The following UPF3A variants were observed in gnomAD, a reference collection of about 807,000 sequenced individuals.
UPF3A encodes the protein UPF3A regulator of nonsense mediated mRNA decay.
Under a neutral mutation model 53.5 loss-of-function variants are expected in UPF3A, and 42 were observed. The observed-to-expected ratio is 0.78, with a 90% CI of 0.61 to 1.01. UPF3A has a LOEUF of 1.01. Ranked by LOEUF, UPF3A falls within the 50% of genes least tolerant of loss-of-function variation. The pLI is 0.00. For synonymous variants in UPF3A, 237 were observed against 225.3 expected (o/e 1.05, Z -0.47); for missense variants, 575 against 598.0 (o/e 0.96, Z 0.40).
chr13:114,286,737 A>G, intron 5 of UPF3A, 108 bp downstream of exon 5: 1 of 836,316 alleles, frequency 1.2e-6, no homozygotes, highest in East Asian at 2.7e-5. Context: ...AACTTGTTAC[A>G]GGCTTGACAG....
chr13:114,292,086 C>T (rs74116882), intron 7 of UPF3A, among the ~76,000 whole-genome samples: 3,386 of 150,180 alleles, frequency 0.023, 140 homozygotes, highest in African/African-American at 0.079. Context: ...CTGCTGCTGA[C>T]GCTCTTTTTT....
At chr13:114,303,997 C>T (rs1407023583) in intron 9 of UPF3A, among the ~76,000 whole-genome samples, 4 of 152,184 alleles carry the variant, frequency 2.6e-5, no homozygotes, top group East Asian at 3.9e-4. Flanking sequence ...GGAGAAGGAG[C>T]GCATGAGATG....
rs1430230574 is a variant in UPF3A at position 114,305,749 on chromosome 13, T to A, written c.*832T>A. The A allele has an allele frequency of 1.3e-5, 2 of 152,336 alleles. No individual in the cohort carries two copies. Among genetic ancestry groups the A allele is most frequent in the East Asian group, 3.9e-4 (2 of 5,188 alleles). The allele number at this position is 152,336 out of a possible 1,614,324, so 9.4% of individuals were successfully genotyped here. A position where few individuals can be genotyped will look rare whatever the true frequency, so the allele number is the denominator to read the frequency against. ...TTCCTTTCAGTGAAATTGCTAAATG[T>A]CAATGTATTTTTGGCACTGCGATTT... On this transcript the variant is annotated 3_prime_UTR_variant, in exon 10 of 10. Transcript: ENST00000375299.
At chr13:114,294,273 T>G (rs201129411) in intron 7 of UPF3A, among the ~76,000 whole-genome samples, 54 of 143,118 alleles carry the variant, frequency 3.8e-4, no homozygotes, top group East Asian at 2.2e-3. Context: ...TTGGTTTTGG[T>G]GGGGGGGGGG....
At chr13:114,295,575 C>T (rs1292177164) in intron 7 of UPF3A, among the ~76,000 whole-genome samples, 1 of 152,234 alleles carries the variant, frequency 6.6e-6, no homozygotes, top group Admixed American at 6.5e-5. Flanking sequence ...GCAGAGAGCC[C>T]TCCTGGGCCC....
intron 5 of UPF3A, chr13:114,287,723 A>C (rs2084860921): frequency 6.6e-6 from 1 of 152,224 alleles, no homozygotes; most frequent in African/African-American, 2.4e-5. Context: ...TCATGGTTGT[A>C]GAAAAGTTCA....
At chr13:114,287,774 A>G (rs907925620) in intron 5 of UPF3A, among the ~76,000 whole-genome samples, 2 of 152,154 alleles carry the variant, frequency 1.3e-5, no homozygotes, top group African/African-American at 4.8e-5. Flanking sequence ...AAAAAAGATT[A>G]ATATTACTGA....
Position 114,305,740 on chromosome 13 carries a change from T to C in UPF3A, c.*823T>C, listed in dbSNP as rs993361651. ...TGTAGTTTCTTCCTTTCAGTGAAAT[T>C]GCTAAATGTCAATGTATTTTTGGCA... On this transcript the variant is annotated 3_prime_UTR_variant, in exon 10 of 10. Transcript: ENST00000375299. The C allele has an allele frequency of 2.0e-5, 3 of 152,230 alleles. No individual in the cohort carries two copies. Among genetic ancestry groups the C allele is most frequent in the Non-Finnish European group, 4.4e-5 (3 of 68,042 alleles). 9.4% of individuals were successfully genotyped at this position (152,230 alleles called of 1,614,324 possible).
chr13:114,284,894 T>C (rs900293037), intron 3 of UPF3A, among the ~76,000 whole-genome samples: 5 of 152,094 alleles, frequency 3.3e-5, no homozygotes, highest in African/African-American at 1.2e-4. Flanking sequence ...CTCAAGCGAT[T>C]CCCCCCACAT....
intron 7 of UPF3A, 55 bp from the exon 8 acceptor site, chr13:114,298,785 C>T: frequency 7.3e-7 from 1 of 1,372,662 alleles, no homozygotes; most frequent in Non-Finnish European, 9.5e-7. Context: ...TATTTAACAG[C>T]TTCTTTTAAA....
intron 7 of UPF3A, among the ~76,000 whole-genome samples, chr13:114,295,426 CGGCTCTGGCCTGCT>C (rs2085849068): frequency 1.3e-5 from 2 of 151,984 alleles, no homozygotes; most frequent in Non-Finnish European, 1.5e-5. Flanking sequence ...TCGTCTCCAG[CGGCTCTGGCCTGCT>C]GGTTTCTCAT....
rs747153365 is a variant in UPF3A at position 114,304,773 on chromosome 13, C to T, written c.1303-16C>T. 5.0e-6 allele frequency: 8 copies of T among 1,612,326 alleles called. No homozygotes were observed. Among genetic ancestry groups the T allele is most frequent in the African/African-American group, 1.3e-5 (1 of 74,856 alleles). ...GCTACCTCTTGGAAGAGTAACATGC[C>T]CTCTTATCCTGGCAGGACCGGCCAG... On this transcript the variant is annotated splice_polypyrimidine_tract_variant and intron_variant, in intron 9 of 9. Transcript: ENST00000375299.
Position 114,304,741 on chromosome 13 carries a change from C to T in UPF3A, c.1303-48C>T, listed in dbSNP as rs750678342. The T allele has an allele frequency of 2.5e-6, 4 of 1,601,434 alleles. No individual in the cohort carries two copies. The East Asian group carries it at 6.7e-5, about 27-fold the overall frequency. On this transcript the variant is annotated intron_variant, in intron 9 of 9. Transcript: ENST00000375299. ...GAAATATAGGGAGATATTGACCCTT[C>T]TGTGTTGCTACCTCTTGGAAGAGTA... is the stretch of plus-strand genomic sequence containing the variant.
chr13:114,289,236 T>A (rs984492238), intron 5 of UPF3A, among the ~76,000 whole-genome samples: 1 of 152,102 alleles, frequency 6.6e-6, no homozygotes, highest in African/African-American at 2.4e-5. Flanking sequence ...TATGAAAAAT[T>A]GAAACTTGGC....
intron 7 of UPF3A, among the ~76,000 whole-genome samples, chr13:114,296,397 A>T (rs918660984): frequency 6.6e-6 from 1 of 152,120 alleles, no homozygotes; most frequent in Non-Finnish European, 1.5e-5. Context: ...AAATAAAAAA[A>T]ATAGACGGGC....
chr13:114,301,458 A>G (rs1033698656), intron 8 of UPF3A, among the ~76,000 whole-genome samples: 3 of 149,792 alleles, frequency 2.0e-5, no homozygotes, highest in African/African-American at 7.3e-5. Context: ...GCGAGACTCC[A>G]TCTCAGAAAA....
At chr13:114,301,093 G>C (rs1416349468) in intron 8 of UPF3A, among the ~76,000 whole-genome samples, 3 of 151,808 alleles carry the variant, frequency 2.0e-5, no homozygotes, top group Admixed American at 6.6e-5. Context: ...ATTTACAGGC[G>C]TGAGACACCA....
rs778887885 is a variant in UPF3A at position 114,281,791 on chromosome 13, G to C, written c.152G>C (p.Gly51Ala). Residue 51 changes from glycine (G) to alanine (A), a missense_variant, in exon 1 of 10, where the codon GGT becomes GCT. By Grantham distance (60) the Gly-to-Ala change is moderately conservative. Around this residue, in one of 2 missense-constraint regions of UPF3A, gnomAD observed 252 missense variants for 182.7 expected, o/e 1.38. Transcript: ENST00000375299. ...EAETPPTSSS[G>A]CGGGAGKPRE... ...GAGACGCCGCCAACTTCGTCCTCCG[G>C]TTGCGGGGGCGGTGCGGGCAAACCT... 1.3e-6 allele frequency: 2 copies of C among 1,556,806 alleles called. No individual in the cohort carries two copies. Among genetic ancestry groups the C allele is most frequent in the Non-Finnish European group, 1.7e-6 (2 of 1,151,384 alleles).
intron 7 of UPF3A, among the ~76,000 whole-genome samples, chr13:114,292,478 GC>G (rs2085398007): frequency 7.0e-6 from 1 of 143,572 alleles, no homozygotes; most frequent in African/African-American, 2.6e-5. Flanking sequence ...TTCATTTTCG[GC>G]TCAAGGCGTA....
Sources: gnomAD v4.1 joint callset for allele counts (sites outside exome capture counted in the v4.1 genomes callset) on GRCh38, gnomAD v4.1.1 for gene constraint, gnomAD v4.1.1 regional missense constraint, MANE v1.5 for transcripts, NCBI Gene and HGNC (gene_info 2026-07-23, HGNC 2026-07-21) for gene names.